Variants in ZC3H18 observed in about 807,000 individuals in gnomAD.
The protein encoded by ZC3H18 is zinc finger CCCH-type containing 18, also known as zinc finger CCCH domain-containing protein 18.
In ZC3H18, 8 loss-of-function variants were observed where a neutral mutation model predicts 106.1. The ratio of observed to expected loss-of-function variants is 0.08; its 90% CI spans 0.04 to 0.14. The LOEUF (loss-of-function observed/expected upper bound fraction) is 0.14. Among genes scored for constraint, ZC3H18 ranks in the 10% least tolerant of loss-of-function variants. ZC3H18 has a pLI of 1.00. For synonymous variants in ZC3H18, 635 were observed against 522.1 expected, an observed-to-expected ratio of 1.22 and a Z score of -2.95; for missense variants, 1,318 against 1,278.4, an observed-to-expected ratio of 1.03 and a Z score of -0.47.
intron 17 of ZC3H18, 104 bp from the exon 18 acceptor site, chr16:88,630,996 TG>T: frequency 7.0e-7 from 1 of 1,433,680 alleles, no homozygotes; most frequent in Non-Finnish European, 9.6e-7. Context: ...TTGCCTGTCC[TG>T]GTGGCCGCTG....
intron 13 of ZC3H18, chr16:88,626,969 C>T (rs1906350264): frequency 6.6e-6 from 1 of 152,284 alleles, no homozygotes; most frequent in South Asian, 2.1e-4. Flanking sequence ...AGGCTATCTC[C>T]CTTTTGTCTA....
intron 1 of ZC3H18, among the ~76,000 whole-genome samples, chr16:88,575,802 C>G (rs1914712099): frequency 6.6e-6 from 1 of 152,026 alleles, no homozygotes; most frequent in South Asian, 2.1e-4. Context: ...CAGCCTCCAC[C>G]TCCTGGGCTT....
chr16:88,585,744 A>C (rs921455600), intron 2 of ZC3H18, among the ~76,000 whole-genome samples: 4 of 152,068 alleles, frequency 2.6e-5, no homozygotes, highest in Admixed American at 6.6e-5. Flanking sequence ...AAGTGGTTTT[A>C]CCAGGCTGGG....
chr16:88,580,382 T>C (rs543665492), intron 2 of ZC3H18, among the ~76,000 whole-genome samples: 47 of 152,232 alleles, frequency 3.1e-4, no homozygotes, highest in African/African-American at 1.1e-3. Flanking sequence ...ACCTTTGTAA[T>C]GTGAAGTGGC....
In ZC3H18 at chr16:88,631,857, A is replaced by G. The variant is rs1271398462; in HGVS notation, c.*558A>G. ...TTGTTTTAGTTGATTTAAAAAGGAA[A>G]AAATACAGAAAAGACCAAAAAAAGG... On this transcript the variant is annotated 3_prime_UTR_variant, in exon 18 of 18. Coordinates refer to ENST00000301011, the MANE Select transcript of ZC3H18 (RefSeq NM_144604.4). 1 of 297,572 alleles carries G rather than the reference A, an allele frequency of 3.4e-6. No homozygotes were observed. Among genetic ancestry groups the G allele is most frequent in the African/African-American group, 2.3e-5 (1 of 43,264 alleles). The allele number at this position is 297,572 out of a possible 1,614,324, so 18.4% of individuals were successfully genotyped here. A position where few individuals can be genotyped will look rare whatever the true frequency, so the allele number is the denominator to read the frequency against.
At chr16:88,602,155 G>C (rs908314142) in intron 6 of ZC3H18, among the ~76,000 whole-genome samples, 1 of 152,216 alleles carries the variant, frequency 6.6e-6, no homozygotes, top group African/African-American at 2.4e-5. Flanking sequence ...ACCTGTGCCC[G>C]CTGCAGGCAG....
At chr16:88,629,197 G>A (rs1453944576) in intron 16 of ZC3H18, among the ~76,000 whole-genome samples, 4 of 152,180 alleles carry the variant, frequency 2.6e-5, no homozygotes, top group Non-Finnish European at 4.4e-5. Context: ...AAATTAGGCC[G>A]GGCGCGGTAG....
intron 5 of ZC3H18, among the ~76,000 whole-genome samples, chr16:88,599,297 A>G (rs945088871): frequency 2.0e-5 from 3 of 152,174 alleles, no homozygotes; most frequent in Non-Finnish European, 4.4e-5. Context: ...CTATCACTGC[A>G]CACTTCCTCC....
At chr16:88,628,939 T>C in intron 16 of ZC3H18, 85 bp downstream of exon 16, 1 of 1,374,158 alleles carries the variant, frequency 7.3e-7, no homozygotes, top group Non-Finnish European at 1.0e-6. Flanking sequence ...CCCATTGCTC[T>C]TAACAAGTAG....
chr16:88,614,459 G>A (rs550262447), intron 8 of ZC3H18, among the ~76,000 whole-genome samples: 93 of 152,322 alleles, frequency 6.1e-4, no homozygotes, highest in African/African-American at 1.7e-3. Flanking sequence ...GCAGGACTTC[G>A]CAGGCCTTTG....
chr16:88,594,220 A>G (rs1904322533), intron 3 of ZC3H18, among the ~76,000 whole-genome samples: 1 of 152,176 alleles, frequency 6.6e-6, no homozygotes, highest in South Asian at 2.1e-4. Context: ...AAAGAATGCT[A>G]TTCCTCTCAC....
In ZC3H18 at chr16:88,630,761, CCCCCACA is replaced by C. The variant is rs1906627495; in HGVS notation, c.2663+182_2663+188del. On this transcript the variant is annotated intron_variant, in intron 17 of 17. Transcript: ENST00000301011. ...GAATTGCAGCCCCACCCCCCACCCCCCCCCACACACACACACACGCTCCTGCCCTGGT... is the reference window on the plus strand; with the variant it reads ...GAATTGCAGCCCCACCCCCCACCCCCCACACACACACGCTCCTGCCCTGGT... 8.2e-5 allele frequency among the ~76,000 whole-genome samples: 9 copies of C among 109,712 alleles called. 2 individuals carry two copies. Among genetic ancestry groups the C allele is most frequent in the Admixed American group, 1.7e-4 (2 of 11,580 alleles). The allele number at this position is 109,712 out of a possible 152,430, so 72.0% of individuals were successfully genotyped here. A position where few individuals can be genotyped will look rare whatever the true frequency, so the allele number is the denominator to read the frequency against.
intron 8 of ZC3H18, among the ~76,000 whole-genome samples, chr16:88,617,020 C>T (rs1905654043): frequency 6.6e-6 from 1 of 152,138 alleles, no homozygotes; most frequent in South Asian, 2.1e-4. Flanking sequence ...TGTTTGGGTG[C>T]CATGGGTGTC....
chr16:88,599,969 C>G, intron 6 of ZC3H18, 21 bp downstream of exon 6: 1 of 1,611,920 alleles, frequency 6.2e-7, no homozygotes, highest in Non-Finnish European at 8.5e-7. Flanking sequence ...GCCCTGCCTG[C>G]CCCTCCGTTT....
chr16:88,629,678 A>G (rs1296879425), intron 16 of ZC3H18, among the ~76,000 whole-genome samples: 2 of 152,188 alleles, frequency 1.3e-5, no homozygotes, highest in South Asian at 2.1e-4. Context: ...CTGTTGAACC[A>G]CACAGACCTG....
chr16:88,576,789 C>T (rs557923978), intron 1 of ZC3H18, among the ~76,000 whole-genome samples: 1 of 152,340 alleles, frequency 6.6e-6, no homozygotes, highest in South Asian at 2.1e-4. Flanking sequence ...CGATCCGTAT[C>T]GTTACTCACT....
At position 88,587,698 on chromosome 16, in the gene ZC3H18, A is replaced by G. The variant is rs890925864; in HGVS notation, c.688+1014A>G. On this transcript the variant is annotated intron_variant, in intron 3 of 17. Coordinates refer to ENST00000301011, the MANE Select transcript of ZC3H18 (RefSeq NM_144604.4). ...CAGACTTCCTTCTCCTGGATCCAGA[A>G]CACAGCTGTGAAGCCAGAAGGAAAG... The G allele has an allele frequency of 8.3e-6, 11 of 1,332,880 alleles. No individual in the cohort carries two copies. In the African/African-American group the frequency reaches 1.2e-4, roughly 14 times the overall value. 82.6% of individuals were successfully genotyped at this position (1,332,880 alleles called of 1,614,324 possible). A position where few individuals can be genotyped will look rare whatever the true frequency, so the allele number is the denominator to read the frequency against.
chr16:88,596,622 TCTCA>T (rs781737964), intron 3 of ZC3H18, among the ~76,000 whole-genome samples: 4 of 152,024 alleles, frequency 2.6e-5, no homozygotes, highest in East Asian at 3.9e-4. Flanking sequence ...CCTGGGACTG[TCTCA>T]CTCAGTCAGA....
intron 2 of ZC3H18, among the ~76,000 whole-genome samples, chr16:88,581,067 T>A (rs1009851918): frequency 6.6e-6 from 1 of 152,248 alleles, no homozygotes; most frequent in African/African-American, 2.4e-5. Context: ...CTTGGCACCC[T>A]GGTCTACTGG....
Sources: gnomAD v4.1 joint callset for allele counts (sites outside exome capture counted in the v4.1 genomes callset) on GRCh38, gnomAD v4.1.1 for gene constraint, MANE v1.5 for transcripts, NCBI Gene and HGNC (gene_info 2026-07-23, HGNC 2026-07-21) for gene names.